Variants in GRID2 observed in about 807,000 individuals in gnomAD.
GRID2 encodes the protein glutamate ionotropic receptor delta type subunit 2.
GRID2 carries 33 observed loss-of-function variants against 114.8 expected under a neutral mutation model. The ratio of observed to expected loss-of-function variants is 0.29; its 90% confidence interval spans 0.22 to 0.38. The LOEUF (loss-of-function observed/expected upper bound fraction) is 0.38. Ranked by LOEUF, GRID2 falls within the 10% of genes least tolerant of loss-of-function variation. The probability of loss-of-function intolerance (pLI) is 1.00; values close to 1 mark genes in which losing one functional copy is unlikely to be tolerated. For missense variants in GRID2, 1,184 were observed against 1,257.7 expected (o/e 0.94, Z 0.89); for synonymous variants, 505 against 449.9 (o/e 1.12, Z -1.55).
chr4:93,282,098 C>T (rs1037968286), intron 8 of GRID2, among the ~76,000 whole-genome samples: 6 of 151,906 alleles, frequency 3.9e-5, no homozygotes, highest in East Asian at 1.9e-4. Context: ...CTTTTTTGAA[C>T]GTCACATTAT....
At chr4:92,760,111 A>G (rs1737919612) in intron 2 of GRID2, among the ~76,000 whole-genome samples, 1 of 151,278 alleles carries the variant, frequency 6.6e-6, no homozygotes, top group Non-Finnish European at 1.5e-5. Context: ...GTGGTGGCAT[A>G]TGCCTGTCTA....
rs529665484 is a variant in GRID2 at position 92,870,963 on chromosome 4, T to C, written c.245-214032T>C. 7.2e-5 allele frequency among the ~76,000 whole-genome samples: 11 copies of C among 152,310 alleles called. No individual in the cohort carries two copies. In the South Asian group the frequency reaches 2.3e-3, roughly 32 times the overall value. On this transcript the variant is annotated intron_variant, in intron 2 of 15. Transcript: ENST00000282020. ...TCTTATCTGGTGTTTTATTGTACTA[T>C]TCAAAAGTGCTAAATAAAAAATTCT... is the stretch of plus-strand genomic sequence containing the variant.
chr4:92,762,162 C>A (rs932726550), intron 2 of GRID2, among the ~76,000 whole-genome samples: 5 of 152,144 alleles, frequency 3.3e-5, no homozygotes, highest in Non-Finnish European at 4.4e-5. Context: ...ATCCACCCCC[C>A]TCAGCCTCCC....
chr4:92,839,403 T>C (rs1041963463), intron 2 of GRID2, among the ~76,000 whole-genome samples: 1 of 149,480 alleles, frequency 6.7e-6, no homozygotes, highest in African/African-American at 2.5e-5. Context: ...TATCTCCTAA[T>C]GCTATCCCTC....
At chr4:93,588,299 T>A (rs892858500) in intron 13 of GRID2, among the ~76,000 whole-genome samples, 9 of 151,930 alleles carry the variant, frequency 5.9e-5, no homozygotes, top group Non-Finnish European at 7.4e-5. Context: ...ACAATCAAAA[T>A]TTTTTTTGCA....
At chr4:93,033,015 G>T (rs1276940240) in intron 2 of GRID2, among the ~76,000 whole-genome samples, 1 of 152,180 alleles carries the variant, frequency 6.6e-6, no homozygotes, top group Non-Finnish European at 1.5e-5. Context: ...TGTGTCAAAT[G>T]ACATAAAGTA....
At chr4:92,886,900 T>A (rs577998632) in intron 2 of GRID2, among the ~76,000 whole-genome samples, 1 of 152,244 alleles carries the variant, frequency 6.6e-6, no homozygotes, top group South Asian at 2.1e-4. Flanking sequence ...GCTGGGATTA[T>A]AGGCGTGAGC....
At chr4:93,376,770 G>A (rs377519118) in intron 8 of GRID2, among the ~76,000 whole-genome samples, 5 of 152,116 alleles carry the variant, frequency 3.3e-5, no homozygotes, top group African/African-American at 7.2e-5. Flanking sequence ...GCTGAACAAC[G>A]AGAACACATG....
At chr4:92,533,326 A>G (rs1242437407) in intron 1 of GRID2, among the ~76,000 whole-genome samples, 1 of 151,912 alleles carries the variant, frequency 6.6e-6, no homozygotes, top group African/African-American at 2.4e-5. Flanking sequence ...AAAACTATAA[A>G]AGCTTTCATC....
chr4:93,694,956 G>C (rs1297833713), intron 14 of GRID2, among the ~76,000 whole-genome samples: 1 of 152,132 alleles, frequency 6.6e-6, no homozygotes, highest in Non-Finnish European at 1.5e-5. Flanking sequence ...CGGATTGCCT[G>C]AGCTCAGGAG....
intron 1 of GRID2, among the ~76,000 whole-genome samples, chr4:92,348,532 T>C (rs1184756174): frequency 1.3e-5 from 2 of 152,198 alleles, no homozygotes; most frequent in African/African-American, 4.8e-5. Context: ...TCAGAAAGAC[T>C]GAAGAGCTAA....
chr4:92,559,699 A>T (rs930347180), intron 1 of GRID2, among the ~76,000 whole-genome samples: 1 of 152,200 alleles, frequency 6.6e-6, no homozygotes, highest in Non-Finnish European at 1.5e-5. Context: ...CACATAAGTT[A>T]TTACAAATTT....
intron 2 of GRID2, among the ~76,000 whole-genome samples, chr4:92,910,218 A>T (rs772902864): frequency 1.4e-4 from 21 of 151,992 alleles, no homozygotes; most frequent in Non-Finnish European, 2.6e-4. Context: ...ATAAAAATAA[A>T]AAAAAAAAGT....
intron 13 of GRID2, among the ~76,000 whole-genome samples, chr4:93,590,052 G>A (rs565519149): frequency 6.6e-6 from 1 of 150,440 alleles, no homozygotes; most frequent in East Asian, 1.9e-4. Flanking sequence ...AAGCTCTTTA[G>A]TTTAATTAGA....
intron 1 of GRID2, among the ~76,000 whole-genome samples, chr4:92,466,798 T>C (rs1030972739): frequency 3.3e-5 from 5 of 151,712 alleles, no homozygotes; most frequent in Non-Finnish European, 5.9e-5. Flanking sequence ...TGAATATATA[T>C]CTACCTAAAT....
chr4:93,764,785 A>T (rs1578764427), intron 14 of GRID2, among the ~76,000 whole-genome samples: 1 of 152,226 alleles, frequency 6.6e-6, no homozygotes, highest in Non-Finnish European at 1.5e-5. Context: ...GATTAACAAT[A>T]ACCACAGTAA....
chr4:92,975,026 A>G (rs1163283908), intron 2 of GRID2, among the ~76,000 whole-genome samples: 2 of 151,664 alleles, frequency 1.3e-5, no homozygotes, highest in African/African-American at 2.4e-5. Flanking sequence ...GCATGGTGGC[A>G]GGTGCCTGCA....
intron 8 of GRID2, among the ~76,000 whole-genome samples, chr4:93,290,367 C>T (rs72874920): frequency 0.05 from 7,602 of 152,026 alleles, 623 homozygotes; most frequent in African/African-American, 0.17. Flanking sequence ...AGAGATTTCT[C>T]TGGAAAAATT....
chr4:93,146,924 A>G (rs545564164), intron 4 of GRID2, among the ~76,000 whole-genome samples: 6 of 152,282 alleles, frequency 3.9e-5, no homozygotes, highest in African/African-American at 1.4e-4. Context: ...GCAGCTAAGT[A>G]TTTTACTTCC....
Sources: gnomAD v4.1 joint callset for allele counts (sites outside exome capture counted in the v4.1 genomes callset) on GRCh38, gnomAD v4.1.1 for gene constraint, MANE v1.5 for transcripts, NCBI Gene and HGNC (gene_info 2026-07-23, HGNC 2026-07-21) for gene names.